The following DNAH7 variants were observed in gnomAD, a reference collection of about 807,000 sequenced individuals.
DNAH7 encodes dynein axonemal heavy chain 7.
A neutral mutation model predicts 444.6 loss-of-function variants in DNAH7; 397 were observed. That is an observed-to-expected ratio of 0.89 (90% CI 0.82 to 0.97). DNAH7 has a LOEUF of 0.97. Ranked by LOEUF, DNAH7 falls within the 50% of genes least tolerant of loss-of-function variation. The pLI, the probability that DNAH7 is intolerant of heterozygous loss-of-function variation, is 0.00. For synonymous variants in DNAH7, 1,636 were observed against 1,624.4 expected, an observed-to-expected ratio of 1.01 and a Z score of -0.17; for missense variants, 4,902 against 4,800.8, an observed-to-expected ratio of 1.02 and a Z score of -0.62.
intron 35 of DNAH7, among the ~76,000 whole-genome samples, chr2:195,883,462 A>C (rs7558395): frequency 0.13 from 15,263 of 120,210 alleles, 898 homozygotes; most frequent in African/African-American, 0.25. Flanking sequence ...CCCCCCCCCC[A>C]AAAAAAAAGA....
chr2:195,784,158 G>A (rs1695508056), intron 58 of DNAH7, among the ~76,000 whole-genome samples: 1 of 152,102 alleles, frequency 6.6e-6, no homozygotes, highest in Admixed American at 6.5e-5. Flanking sequence ...ACATCCTATG[G>A]ATTTGGACAG....
intron 54 of DNAH7, among the ~76,000 whole-genome samples, chr2:195,804,030 G>C (rs548940902): frequency 6.7e-6 from 1 of 148,254 alleles, no homozygotes; most frequent in Non-Finnish European, 1.5e-5. Context: ...TTACCACTGA[G>C]TGGGGCTGGT....
chr2:195,875,738 G>A lies in DNAH7; in HGVS notation c.6223C>T (p.Leu2075=). ...AGTTTAATCATGGAACAATCTTTTA[G>A]ATCATACCAGTTCCAGTGGTCTAAC... ...QWLDHWNWYD[L]KDCSMIKLVD... is the part of the protein sequence containing the mutation. The change falls in exon 38 of 65, where the codon CTA becomes TTA. Residue 2075 remains leucine (L), a synonymous_variant. Transcript: ENST00000312428. The A allele has an allele frequency of 6.2e-7, 1 of 1,613,084 alleles. No individual in the cohort carries two copies. The highest frequency in any genetic ancestry group is 8.5e-7 in the Non-Finnish European group (1 of 1,179,612).
chr2:195,843,379 C>G (rs1289679728), intron 47 of DNAH7, among the ~76,000 whole-genome samples: 1 of 152,058 alleles, frequency 6.6e-6, no homozygotes. Flanking sequence ...TCAGAGTACC[C>G]AGTATTTTAG....
intron 45 of DNAH7, 79 bp from the exon 46 acceptor site, chr2:195,853,607 G>A (rs1699520441): frequency 2.2e-6 from 3 of 1,366,080 alleles, no homozygotes; most frequent in Admixed American, 2.8e-5. Context: ...ACCCTCAGAA[G>A]TGAATTATTA....
chr2:195,754,396 A>C lies in DNAH7; in HGVS notation c.11705T>G (p.Leu3902Arg). 1 of 1,614,046 alleles carries C rather than the reference A, an allele frequency of 6.2e-7. No homozygotes were observed. The highest frequency in any genetic ancestry group is 8.5e-7 in the Non-Finnish European group (1 of 1,179,966). ...CATCACTTCATAGTCAAACCCAAGAAGATCAATAGGAATTGTGTATTTCCT... is the reference window on the plus strand; with the variant it reads ...CATCACTTCATAGTCAAACCCAAGACGATCAATAGGAATTGTGTATTTCCT... Reference protein sequence around the residue: ...YARKYTIPIDLLGFDYEVMED... With the variant: ...YARKYTIPIDRLGFDYEVMED... Residue 3902 changes from leucine (L) to arginine (R), a missense_variant, in exon 63 of 65, where the codon CTT becomes CGT. By Grantham distance (102) the Leu-to-Arg change is moderately radical. Transcript: ENST00000312428.
intron 49 of DNAH7, among the ~76,000 whole-genome samples, chr2:195,820,305 G>T (rs1697400021): frequency 6.6e-6 from 1 of 151,942 alleles, no homozygotes. Context: ...GGGGGTATGA[G>T]GCAAGGGGAG....
chr2:195,975,248 G>A (rs1398348254), intron 15 of DNAH7, among the ~76,000 whole-genome samples: 1 of 149,596 alleles, frequency 6.7e-6, no homozygotes, highest in East Asian at 2.0e-4. Context: ...TCCCTCCCCT[G>A]GCCCCCCGCA....
intron 17 of DNAH7, among the ~76,000 whole-genome samples, chr2:195,965,147 T>C (rs1691389154): frequency 6.6e-6 from 1 of 152,096 alleles, no homozygotes; most frequent in Non-Finnish European, 1.5e-5. Context: ...GTTCCTTCAA[T>C]AGCCAGTTTT....
chr2:195,941,513 T>A (rs368569437), intron 19 of DNAH7, among the ~76,000 whole-genome samples: 1 of 147,102 alleles, frequency 6.8e-6, no homozygotes, highest in African/African-American at 2.5e-5. Context: ...CCATGACATA[T>A]GTATACGAAG....
At chr2:195,762,242 T>C (rs1336979665) in intron 61 of DNAH7, among the ~76,000 whole-genome samples, 1 of 151,948 alleles carries the variant, frequency 6.6e-6, no homozygotes, top group Non-Finnish European at 1.5e-5. Flanking sequence ...AAAAAACATA[T>C]AATAAATACA....
At position 195,737,937 on chromosome 2, in the gene DNAH7, C is replaced by T. The variant is rs1692738164; in HGVS notation, c.12059G>A (p.Cys4020Tyr). 1 of 1,613,932 alleles carries T rather than the reference C, an allele frequency of 6.2e-7. No homozygotes were observed. Among genetic ancestry groups the T allele is most frequent in the Non-Finnish European group, 8.5e-7 (1 of 1,179,888 alleles). Residue 4020 changes from cysteine to tyrosine, a missense_variant, in exon 65 of 65, where the codon TGT (cysteine) becomes TAT (tyrosine). Transcript: ENST00000312428. Reference sequence around the variant, plus strand: ...GTCTTCTGGTTATGAATTAAGTTGACATAACAGTGCTACACCTCGTCCAAT... The same window carrying T: ...GTCTTCTGGTTATGAATTAAGTTGATATAACAGTGCTACACCTCGTCCAAT... The part of the protein sequence containing the change: ...HWIGRGVALL[C>Y]QLNS
intron 19 of DNAH7, among the ~76,000 whole-genome samples, chr2:195,956,109 T>C (rs1269974480): frequency 6.6e-6 from 1 of 152,188 alleles, no homozygotes; most frequent in East Asian, 1.9e-4. Context: ...GATCATATAG[T>C]TGACGTCAAT....
intron 12 of DNAH7, chr2:195,998,921 T>C: frequency 2.0e-6 from 1 of 504,754 alleles, no homozygotes; most frequent in Non-Finnish European, 3.5e-6. Flanking sequence ...GGGACCAAAA[T>C]GAGAGAAAGC....
At chr2:195,795,419 T>C (rs774396281) in intron 56 of DNAH7, among the ~76,000 whole-genome samples, 3 of 152,144 alleles carry the variant, frequency 2.0e-5, no homozygotes, top group Non-Finnish European at 4.4e-5. Context: ...ACCTCTGATA[T>C]AAGGCGTGAA....
intron 22 of DNAH7, among the ~76,000 whole-genome samples, chr2:195,925,823 T>G (rs1054348768): frequency 7.2e-5 from 11 of 152,256 alleles, no homozygotes; most frequent in African/African-American, 2.6e-4. Flanking sequence ...CTGACTCACT[T>G]AAAATCCTAT....
intron 53 of DNAH7, among the ~76,000 whole-genome samples, chr2:195,808,051 AT>A (rs1209497238): frequency 1.3e-5 from 2 of 152,216 alleles, no homozygotes. Flanking sequence ...GAGCTCTTGC[AT>A]ATTAAACTCA....
intron 21 of DNAH7, among the ~76,000 whole-genome samples, chr2:195,927,507 GTAAATAAA>G (rs199996492): frequency 6.6e-6 from 1 of 150,986 alleles, no homozygotes; most frequent in Non-Finnish European, 1.5e-5. Context: ...AGAGAAGCAA[GTAAATAAA>G]TAAATAAATA....
chr2:195,862,044 G>A, intron 41 of DNAH7, 98 bp from the exon 42 acceptor site: 1 of 901,642 alleles, frequency 1.1e-6, no homozygotes. Flanking sequence ...TGGGGGTGAA[G>A]GGGAATAGTG....
Sources: allele counts gnomAD v4.1 joint callset (sites outside exome capture counted in the v4.1 genomes callset), GRCh38; gene constraint gnomAD v4.1.1; transcripts MANE v1.5; gene names NCBI Gene and HGNC (gene_info 2026-07-23, HGNC 2026-07-21).